The following HSPG2 variants were observed in gnomAD, a reference collection of about 807,000 sequenced individuals.
HSPG2 encodes basement membrane-specific heparan sulfate proteoglycan core protein.
Under a neutral mutation model 526.6 loss-of-function variants are expected in HSPG2, and 278 were observed. The ratio of observed to expected loss-of-function variants is 0.53; its 90% CI spans 0.48 to 0.58. The LOEUF (loss-of-function observed/expected upper bound fraction) is 0.58. Among genes scored for constraint, HSPG2 ranks in the 20% least tolerant of loss-of-function variants. HSPG2 has a pLI of 0.00. For missense variants in HSPG2, 5,354 were observed against 6,099.5 expected, an observed-to-expected ratio of 0.88 and a Z score of 4.07; for synonymous variants, 2,465 against 2,555.4, an observed-to-expected ratio of 0.96 and a Z score of 1.07.
chr1:21,882,624 A>G (rs555061843), intron 13 of HSPG2, among the ~76,000 whole-genome samples: 1 of 152,332 alleles, frequency 6.6e-6, no homozygotes, highest in Non-Finnish European at 1.5e-5. Flanking sequence ...TGGTACCAGC[A>G]ACATGTGGCC....
rs1343031821 is a variant in HSPG2, at chr1:21,874,024, G to C, written c.3657-13C>G. 1.3e-6 allele frequency: 2 copies of C among 1,591,232 alleles called. No homozygotes were observed. Among genetic ancestry groups the C allele is most frequent in the Non-Finnish European group, 1.7e-6 (2 of 1,167,432 alleles). On this transcript the variant is annotated splice_polypyrimidine_tract_variant and intron_variant, in intron 28 of 96. Coordinates refer to ENST00000374695, the MANE Select transcript of HSPG2 (RefSeq NM_005529.7). ...AGTGTGGGCAGCCCTGAGTGTGGGG[G>C]CAGATTTCTAGTCAGGAACGCAGTG...
At chr1:21,833,061 T>C (rs2098011573) in intron 80 of HSPG2, 1 of 634,398 alleles carries the variant, frequency 1.6e-6, no homozygotes, top group South Asian at 1.7e-5. Flanking sequence ...GCTGGAGATA[T>C]CACAGAGGCA....
At chr1:21,854,451 C>T in intron 49 of HSPG2, 108 bp from the exon 50 acceptor site, 1 of 1,484,560 alleles carries the variant, frequency 6.7e-7, no homozygotes, top group Non-Finnish European at 9.1e-7. Flanking sequence ...TGCTCCGAGC[C>T]ATCCCATGCT....
chr1:21,905,159 C>G (rs1643302488), intron 1 of HSPG2, among the ~76,000 whole-genome samples: 1 of 138,020 alleles, frequency 7.2e-6, no homozygotes, highest in Non-Finnish European at 1.5e-5. Context: ...TACACACACA[C>G]CCACCACCCA....
At position 21,889,843 on chromosome 1, in the gene HSPG2, C is replaced by T. The variant is rs764467841; in HGVS notation, c.574+138G>A. On this transcript the variant is annotated intron_variant, in intron 6 of 96. Coordinates refer to ENST00000374695, the MANE Select transcript of HSPG2 (RefSeq NM_005529.7). ...TACCAAGCCAAGATTGTGTAAAGAT[C>T]GATGGGGCAGACTCAGGAGTAGTGA... The T allele has an allele frequency of 2.2e-5, 19 of 876,270 alleles. 1 individual carries two copies. The highest frequency in any genetic ancestry group is 7.1e-5 in the South Asian group (5 of 70,386). The allele number at this position is 876,270 out of a possible 1,614,324, so 54.3% of individuals were successfully genotyped here. A position where few individuals can be genotyped will look rare whatever the true frequency, so the allele number is the denominator to read the frequency against.
At chr1:21,838,695 A>T in intron 74 of HSPG2, 130 bp downstream of exon 74, 1 of 949,786 alleles carries the variant, frequency 1.1e-6, no homozygotes, top group Non-Finnish European at 1.6e-6. Flanking sequence ...GGCCCTGGAG[A>T]GTAGGGGAGA....
rs766053015 is a variant in HSPG2 at position 21,890,657 on chromosome 1, G to A, written c.282C>T (p.Ile94=). 1.1e-4 allele frequency: 183 copies of A among 1,613,892 alleles called. No individual in the cohort carries two copies. Among genetic ancestry groups the A allele is most frequent in the Non-Finnish European group, 1.5e-4 (179 of 1,179,910 alleles). ...CATCCTCCAGCTGAGGGCTGTACTC[G>A]ATGGAGCGAGTGAAATTCACCAGGG... ...FRALVNFTRS[I]EYSPQLEDAG... is the part of the protein sequence containing the mutation. The change falls in exon 4 of 97, where the codon ATC becomes ATT. Residue 94 remains isoleucine (I), a synonymous_variant. Transcript: ENST00000374695. This position sits in a 1 kb window ranked among gnomAD's most constrained non-coding sequence, Gnocchi z 4.1.
rs552716935 is a variant in HSPG2 at position 21,851,870 on chromosome 1, G to A, written c.6927C>T (p.Tyr2309=). 1.4e-4 allele frequency: 225 copies of A among 1,612,908 alleles called. 1 individual carries two copies. In the East Asian group the frequency reaches 2.8e-3, roughly 20 times the overall value. The change falls in exon 54 of 97, where the codon TAC becomes TAT. Residue 2309 remains tyrosine (Y), a synonymous_variant. Transcript: ENST00000374695. ...CCATGCCGTTGCTGGCCCGGCAGAC[G>A]TACTGTCCCGCATCGGCAGGTGAGG... ...FQASPADAGQ[Y]VCRASNGMEA... is the part of the protein sequence containing the mutation.
intron 1 of HSPG2, among the ~76,000 whole-genome samples, chr1:21,918,355 C>A (rs1643939240): frequency 6.6e-6 from 1 of 151,826 alleles, no homozygotes. Context: ...GTCCCAGCTT[C>A]TTGGGAGGCT....
Position 21,874,493 on chromosome 1 carries a change from C to T in HSPG2, c.3569G>A (p.Cys1190Tyr). 6.2e-7 allele frequency: 1 copy of T among 1,613,096 alleles called. No homozygotes were observed. The highest frequency in any genetic ancestry group is 8.5e-7 in the Non-Finnish European group (1 of 1,179,962). ...HHTEGPRCEQCQPGYYGDAQR... is the reference protein window; with the variant it reads ...HHTEGPRCEQYQPGYYGDAQR... ...GGCGTCCCCGTAGTATCCTGGCTGGCACTGCTCACACCGAGGGCCCTCCGT... is the reference window on the plus strand; with the variant it reads ...GGCGTCCCCGTAGTATCCTGGCTGGTACTGCTCACACCGAGGGCCCTCCGT... The change falls in exon 28 of 97, where the codon TGC becomes TAC. Residue 1190 changes from cysteine (C) to tyrosine (Y), a missense_variant. Physicochemically the swap from Cys to Tyr is radical, Grantham distance 194 (BLOSUM62 -2). Transcript: ENST00000374695.
At chr1:21,843,529 C>T (rs991372730) in intron 65 of HSPG2, 91 bp from the exon 66 acceptor site, 15 of 1,400,636 alleles carry the variant, frequency 1.1e-5, no homozygotes, top group Middle Eastern at 2.0e-4. Flanking sequence ...CTGCCATGCA[C>T]AGATATGTAG....
rs567999404 is a variant in HSPG2, at chr1:21,823,670, C to T, written c.12949G>A (p.Gly4317Ser). Residue 4317 changes from glycine to serine, a missense_variant, in exon 96 of 97, where the codon GGC (glycine) becomes AGC (serine). Coordinates refer to ENST00000374695, the MANE Select transcript of HSPG2 (RefSeq NM_005529.7). Reference sequence around the variant, plus strand: ...GCCACGTTGGGACCTGGGGACCGGCCGCTGACCAGCTCCTCACCGTCGACT... The same window carrying T: ...GCCACGTTGGGACCTGGGGACCGGCTGCTGACCAGCTCCTCACCGTCGACT... ...IQVDGEELVS[G>S]RSPGPNVAVN... 10 of 1,613,636 alleles carry T rather than the reference C, an allele frequency of 6.2e-6. No individual in the cohort carries two copies. The highest frequency in any genetic ancestry group is 5.3e-5 in the African/African-American group (4 of 74,912).
chr1:21,828,642 AC>A lies in HSPG2; in HGVS notation c.12237+192del, dbSNP rs988074543. Among the ~76,000 whole-genome samples, 36 of 152,148 alleles carry A rather than the reference AC, an allele frequency of 2.4e-4. No homozygotes were observed. The highest frequency in any genetic ancestry group is 8.2e-4 in the African/African-American group (34 of 41,430). On this transcript the variant is annotated intron_variant, in intron 88 of 96. Transcript: ENST00000374695. This position sits in a 1 kb window ranked among gnomAD's most constrained non-coding sequence, Gnocchi z 6.0. ...GTCAGTGCAGACAATCCTCTGCCCA[AC>A]CTTTCAAAGTAGGTGTGATCATGCC... is the stretch of plus-strand genomic sequence containing the variant.
chr1:21,917,193 AG>A (rs1452647303), intron 1 of HSPG2, among the ~76,000 whole-genome samples: 1 of 152,006 alleles, frequency 6.6e-6, no homozygotes, highest in Non-Finnish European at 1.5e-5. Context: ...GCTCTTCGGG[AG>A]GCTGAGACAG....
chr1:21,922,969 C>T (rs549426004), intron 1 of HSPG2, among the ~76,000 whole-genome samples: 11 of 152,184 alleles, frequency 7.2e-5, no homozygotes, highest in South Asian at 2.1e-4. Context: ...GCCCCCACCC[C>T]GACCCCAGAA....
rs747582781 is a variant in HSPG2, at chr1:21,888,057, A to G, written c.584T>C (p.Phe195Ser). 1.9e-6 allele frequency: 3 copies of G among 1,613,908 alleles called. No individual in the cohort carries two copies. Among genetic ancestry groups the G allele is most frequent in the South Asian group, 1.1e-5 (1 of 91,070 alleles). The change falls in exon 7 of 97, where the codon TTC becomes TCC. Residue 195 changes from phenylalanine to serine, a missense_variant. Physicochemically the swap from Phe to Ser is radical, Grantham distance 155 (BLOSUM62 -2). Transcript: ENST00000374695. ...CTCGGCCTCCGTGCAGGCTCTTGGGAACTGGGGCACTGCAGGTGGAAAGGA... is the reference window on the plus strand; with the variant it reads ...CTCGGCCTCCGTGCAGGCTCTTGGGGACTGGGGCACTGCAGGTGGAAAGGA... Reference protein sequence around the residue: ...QFRRLGTVPQFPRACTEAEFA... With the variant: ...QFRRLGTVPQSPRACTEAEFA...
At chr1:21,844,105 T>C in intron 65 of HSPG2, 43 bp downstream of exon 65, 1 of 1,608,822 alleles carries the variant, frequency 6.2e-7, no homozygotes, top group Non-Finnish European at 8.5e-7. Flanking sequence ...GCAGGACCAC[T>C]GCAGGTGTGG....
chr1:21,888,709 G>A (rs1642133217), intron 6 of HSPG2: 3 of 1,365,466 alleles, frequency 2.2e-6, no homozygotes, highest in Non-Finnish European at 9.8e-7. Flanking sequence ...CGGGGGTGGG[G>A]GGGTCTGTGC....
At chr1:21,849,932 C>T in intron 57 of HSPG2, 109 bp downstream of exon 57, 2 of 1,357,418 alleles carry the variant, frequency 1.5e-6, no homozygotes, top group Non-Finnish European at 2.1e-6. Context: ...CCTGCCTTGG[C>T]CTCCCAAAGT....
Sources: gnomAD v4.1 joint callset for allele counts (sites outside exome capture counted in the v4.1 genomes callset) on GRCh38, gnomAD v4.1.1 for gene constraint, Gnocchi (gnomAD v3.1) non-coding constraint, MANE v1.5 for transcripts, NCBI Gene and HGNC (gene_info 2026-07-23, HGNC 2026-07-21) for gene names.